The following OCA2 variants were observed in gnomAD, a reference collection of about 807,000 sequenced individuals.
OCA2 encodes the protein OCA2 melanosomal transmembrane protein.
OCA2 carries 77 observed loss-of-function variants against 100.2 expected under a neutral mutation model. The ratio of observed to expected loss-of-function variants is 0.77; its 90% confidence interval spans 0.64 to 0.93. The LOEUF is 0.93. Ranked by LOEUF, OCA2 falls within the 40% of genes least tolerant of loss-of-function variation. The probability of loss-of-function intolerance (pLI) is 0.00; values close to 1 mark genes in which losing one functional copy is unlikely to be tolerated. For missense variants in OCA2, 1,062 were observed against 1,089.1 expected, an observed-to-expected ratio of 0.98 and a Z score of 0.35; for synonymous variants, 432 against 439.2, an observed-to-expected ratio of 0.98 and a Z score of 0.21.
the OCA2 span, among the ~76,000 whole-genome samples, chr15:27,741,544 T>C: frequency 6.6e-6 from 1 of 152,138 alleles, no homozygotes; most frequent in Non-Finnish European, 1.5e-5. Flanking sequence ...GAATCCTGAG[T>C]ACGGTTGGGC....
chr15:27,979,201 T>G (rs2041066214), intron 14 of OCA2, among the ~76,000 whole-genome samples: 1 of 152,250 alleles, frequency 6.6e-6, no homozygotes, highest in South Asian at 2.1e-4. Flanking sequence ...TATATGCTAA[T>G]GTAAGTGTTC....
chr15:28,067,103 T>C (rs1405927521), intron 2 of OCA2, among the ~76,000 whole-genome samples: 5 of 152,228 alleles, frequency 3.3e-5, no homozygotes, highest in Non-Finnish European at 5.9e-5. Context: ...CCACAGGTCA[T>C]GGTCCTCACA....
intron 23 of OCA2, among the ~76,000 whole-genome samples, chr15:27,818,928 G>C (rs2034405367): frequency 2.0e-5 from 3 of 152,274 alleles, no homozygotes; most frequent in South Asian, 4.1e-4. Context: ...TGCATGTGCA[G>C]GTGTCGCCAG....
chr15:28,017,423 TC>T (rs1418362750), intron 7 of OCA2, among the ~76,000 whole-genome samples: 2 of 152,126 alleles, frequency 1.3e-5, no homozygotes, highest in Non-Finnish European at 2.9e-5. Flanking sequence ...CTGTGTAAGG[TC>T]CTGCCCTTCT....
chr15:27,860,231 G>C (rs763202105), intron 21 of OCA2, among the ~76,000 whole-genome samples: 1 of 152,324 alleles, frequency 6.6e-6, no homozygotes. Context: ...GAAGGAGCAA[G>C]ACCAAGCTCT....
chr15:27,752,411 G>A (rs143448857), downstream of OCA2, among the ~76,000 whole-genome samples: 97 of 152,318 alleles, frequency 6.4e-4, no homozygotes, highest in African/African-American at 2.2e-3. Context: ...TGTAGACAGC[G>A]TCAGGAGGGA....
chr15:27,816,041 G>A (rs2151245272), intron 23 of OCA2, among the ~76,000 whole-genome samples: 1 of 152,324 alleles, frequency 6.6e-6, no homozygotes, highest in East Asian at 1.9e-4. Flanking sequence ...GGCTGAGGCA[G>A]GGGAATCACT....
chr15:28,048,471 G>T (rs770166526), intron 2 of OCA2, among the ~76,000 whole-genome samples: 28 of 152,076 alleles, frequency 1.8e-4, no homozygotes, highest in Non-Finnish European at 3.4e-4. Context: ...AATTGGTGCT[G>T]GGATAACTAA....
intron 19 of OCA2, among the ~76,000 whole-genome samples, chr15:27,913,793 A>G (rs1359183119): frequency 7.4e-6 from 1 of 136,030 alleles, no homozygotes; most frequent in Non-Finnish European, 1.5e-5. Flanking sequence ...CAAACCTAGC[A>G]GAGACACAAC....
intron 21 of OCA2, among the ~76,000 whole-genome samples, chr15:27,856,634 G>A (rs1321068975): frequency 6.6e-6 from 1 of 151,872 alleles, no homozygotes; most frequent in Non-Finnish European, 1.5e-5. Context: ...CCAAGTGATG[G>A]AACAGCTTCC....
the OCA2 span, among the ~76,000 whole-genome samples, chr15:27,727,704 CAGTGA>C: frequency 3.9e-5 from 6 of 152,308 alleles, no homozygotes; most frequent in African/African-American, 1.4e-4. Flanking sequence ...CATCTGCAGA[CAGTGA>C]AGTGAGTATT....
intron 23 of OCA2, among the ~76,000 whole-genome samples, chr15:27,825,663 TC>T (rs780254532): frequency 8.5e-5 from 13 of 152,162 alleles, no homozygotes; most frequent in Non-Finnish European, 1.8e-4. Context: ...TAGGGTGATG[TC>T]CCCGGCCTCC....
chr15:27,745,156 A>T, the OCA2 span, among the ~76,000 whole-genome samples: 1 of 152,320 alleles, frequency 6.6e-6, no homozygotes, highest in East Asian at 1.9e-4. Context: ...GTTTATTAAG[A>T]AAGTAAAGTG....
At chr15:27,992,765 T>C (rs2041597399) in intron 9 of OCA2, among the ~76,000 whole-genome samples, 1 of 152,180 alleles carries the variant, frequency 6.6e-6, no homozygotes, top group South Asian at 2.1e-4. Flanking sequence ...CTATGACATG[T>C]TCCTTTCTTC....
intron 19 of OCA2, among the ~76,000 whole-genome samples, chr15:27,911,204 TAATTTA>T (rs2038382083): frequency 6.6e-6 from 1 of 151,920 alleles, no homozygotes; most frequent in Admixed American, 6.6e-5. Context: ...TGAGGCTGGG[TAATTTA>T]AAGAAAAGAA....
chr15:28,078,714 T>C (rs1489932481), intron 2 of OCA2, among the ~76,000 whole-genome samples: 1 of 152,216 alleles, frequency 6.6e-6, no homozygotes, highest in Non-Finnish European at 1.5e-5. Flanking sequence ...GCAGAGGACC[T>C]AGGTCAGCTG....
At chr15:28,079,656 G>A (rs537635933) in intron 2 of OCA2, among the ~76,000 whole-genome samples, 2 of 152,194 alleles carry the variant, frequency 1.3e-5, no homozygotes, top group African/African-American at 4.8e-5. Flanking sequence ...CTCCGCATGG[G>A]AGGTGTGGCT....
chr15:27,972,426 G>A (rs2040821612), intron 14 of OCA2, among the ~76,000 whole-genome samples: 1 of 152,196 alleles, frequency 6.6e-6, no homozygotes, highest in African/African-American at 2.4e-5. Context: ...AATCTCCACA[G>A]TATTTTCCAT....
At chr15:27,751,018 C>T (rs901458102), downstream of OCA2, among the ~76,000 whole-genome samples, 2 of 152,178 alleles carry the variant, frequency 1.3e-5, no homozygotes, top group Non-Finnish European at 2.9e-5. Flanking sequence ...CTGCAACAGA[C>T]CCACGGATGC....
Sources: allele counts gnomAD v4.1 joint callset (sites outside exome capture counted in the v4.1 genomes callset), GRCh38; gene constraint gnomAD v4.1.1; transcripts MANE v1.5; gene names NCBI Gene and HGNC (gene_info 2026-07-23, HGNC 2026-07-21).